OPRM1: variants seen among roughly 807,000 people sequenced by gnomAD.
OPRM1 encodes opioid receptor mu 1.
Under a neutral mutation model 31.8 loss-of-function variants are expected in OPRM1, and 27 were observed. The ratio of observed to expected loss-of-function variants is 0.85; its 90% CI spans 0.63 to 1.17. OPRM1 has a LOEUF of 1.17. Ranked by LOEUF, OPRM1 falls within the 50% of genes most tolerant of loss-of-function variation. The pLI is 0.00. For synonymous variants in OPRM1, 196 were observed against 189.9 expected (o/e 1.03, Z -0.26); for missense variants, 536 against 511.1 (o/e 1.05, Z -0.47).
chr6:154,058,968 C>T (rs997131536), intron 1 of OPRM1, among the ~76,000 whole-genome samples: 1 of 152,210 alleles, frequency 6.6e-6, no homozygotes, highest in Non-Finnish European at 1.5e-5. Context: ...TTGAGAGCTA[C>T]ATTACCCTGA....
chr6:154,107,175 AAG>A (rs2128511132), intron 3 of OPRM1, among the ~76,000 whole-genome samples: 2 of 152,336 alleles, frequency 1.3e-5, no homozygotes, highest in East Asian at 3.9e-4. Flanking sequence ...GAGTCCTTGG[AAG>A]AATGGGGACA....
chr6:154,028,194 T>C (rs1370850983), intron 1 of OPRM1, among the ~76,000 whole-genome samples: 1 of 152,088 alleles, frequency 6.6e-6, no homozygotes, highest in Non-Finnish European at 1.5e-5. Context: ...CATTAGCAAG[T>C]GGTAAATTTT....
At chr6:154,021,117 C>T (rs1487135809) in intron 1 of OPRM1, among the ~76,000 whole-genome samples, 2 of 152,066 alleles carry the variant, frequency 1.3e-5, no homozygotes, top group Non-Finnish European at 1.5e-5. Context: ...GTCTGTAATC[C>T]ATTTTGAGCT....
At position 154,059,741 on chromosome 6, in the gene OPRM1, C is replaced by T. The variant is rs184133067; in HGVS notation, c.290+19907C>T. Among the ~76,000 whole-genome samples, 13 of 152,284 alleles carry T rather than the reference C, an allele frequency of 8.5e-5. No homozygotes were observed. The East Asian group carries it at 2.5e-3, about 29-fold the overall frequency. On this transcript the variant is annotated intron_variant, in intron 1 of 3. Coordinates refer to ENST00000330432, the MANE Select transcript of OPRM1 (RefSeq NM_000914.5). ...GACATACAGTAGCTGAAATGTTCCA[C>T]TACACTGAATTTATTACAATGTTAT...
At chr6:154,017,050 G>A (rs1187044792) in intron 1 of OPRM1, among the ~76,000 whole-genome samples, 2 of 152,092 alleles carry the variant, frequency 1.3e-5, no homozygotes, top group African/African-American at 4.8e-5. Flanking sequence ...GAGCTATCAA[G>A]CTGATTTTGA....
intron 3 of OPRM1, chr6:154,246,463 C>A (rs1583898364): frequency 8.9e-7 from 1 of 1,124,472 alleles, no homozygotes; most frequent in Non-Finnish European, 1.3e-6. Flanking sequence ...GCTTCTATAA[C>A]TTATTTGTTT....
intron 3 of OPRM1, among the ~76,000 whole-genome samples, chr6:154,200,303 A>G (rs1036001016): frequency 1.3e-5 from 2 of 152,202 alleles, no homozygotes; most frequent in African/African-American, 4.8e-5. Context: ...CTATTCTTCA[A>G]TGCTCTCCAG....
chr6:154,161,299 C>A (rs940731661), intron 3 of OPRM1, among the ~76,000 whole-genome samples: 2 of 151,730 alleles, frequency 1.3e-5, no homozygotes, highest in Non-Finnish European at 1.5e-5. Context: ...CAAGCTCTGC[C>A]TCCCAGGTTC....
intron 3 of OPRM1, among the ~76,000 whole-genome samples, chr6:154,160,435 A>G (rs1798916881): frequency 6.6e-6 from 1 of 152,188 alleles, no homozygotes; most frequent in Non-Finnish European, 1.5e-5. Context: ...TTGGAACGTA[A>G]CACTTTACCT....
chr6:154,203,221 C>A (rs2128595103), intron 3 of OPRM1, among the ~76,000 whole-genome samples: 1 of 152,312 alleles, frequency 6.6e-6, no homozygotes, highest in South Asian at 2.1e-4. Flanking sequence ...CTCCTCTCCG[C>A]CCCACCTCTA....
At chr6:154,102,826 T>C (rs1795031486) in intron 3 of OPRM1, among the ~76,000 whole-genome samples, 2 of 151,576 alleles carry the variant, frequency 1.3e-5, no homozygotes, top group South Asian at 2.1e-4. Context: ...CTTGAGAAAA[T>C]TGGAACCAAA....
chr6:154,218,086 C>A (rs1014192790), intron 3 of OPRM1, among the ~76,000 whole-genome samples: 4 of 152,094 alleles, frequency 2.6e-5, no homozygotes, highest in Admixed American at 6.6e-5. Context: ...TTGCTAAGAA[C>A]TTTTTTTAAA....
intron 3 of OPRM1, among the ~76,000 whole-genome samples, chr6:154,219,445 G>A (rs12199594): frequency 0.046 from 6,963 of 152,180 alleles, 225 homozygotes; most frequent in Non-Finnish European, 0.072. Context: ...ATTGGGCAGG[G>A]GAGAGGCGGG....
chr6:154,050,318 A>C (rs1266924328), intron 1 of OPRM1, among the ~76,000 whole-genome samples: 1 of 152,216 alleles, frequency 6.6e-6, no homozygotes, highest in Admixed American at 6.5e-5. Context: ...AGCACTGTCT[A>C]CAACAGCTAA....
intron 3 of OPRM1, among the ~76,000 whole-genome samples, chr6:154,162,849 C>T (rs1475482427): frequency 2.0e-5 from 3 of 152,168 alleles, no homozygotes; most frequent in Non-Finnish European, 4.4e-5. Flanking sequence ...CACATCAACC[C>T]CTAAGAGGCA....
At chr6:154,037,449 T>G (rs1252924931), upstream of OPRM1, among the ~76,000 whole-genome samples, 1 of 152,192 alleles carries the variant, frequency 6.6e-6, no homozygotes, top group East Asian at 1.9e-4. Context: ...GTTTGTTTTT[T>G]GGTCAGGGCA....
chr6:154,243,119 G>A (rs750372356), intron 3 of OPRM1, among the ~76,000 whole-genome samples: 2 of 152,144 alleles, frequency 1.3e-5, no homozygotes, highest in Admixed American at 6.5e-5. Flanking sequence ...GCCAGCCCAC[G>A]TGCTAACAGG....
In OPRM1 at chr6:154,091,294, C is replaced by T; in HGVS notation, c.986C>T (p.Thr329Ile). Residue 329 changes from threonine to isoleucine, a missense_variant, in exon 3 of 4, where the codon ACA becomes ATA. By Grantham distance (89) the Thr-to-Ile change is moderately conservative. Transcript: ENST00000330432. ...SWHFCIALGY[T>I]NSCLNPVLYA... ...CACTTCTGCATTGCTCTAGGTTACA[C>T]AAACAGCTGCCTCAACCCAGTCCTT... 3.7e-6 allele frequency: 6 copies of T among 1,614,204 alleles called. No individual in the cohort carries two copies. The highest frequency in any genetic ancestry group is 1.7e-5 in the Admixed American group (1 of 60,012).
At chr6:154,056,417 C>T (rs774082060) in intron 1 of OPRM1, among the ~76,000 whole-genome samples, 3 of 151,720 alleles carry the variant, frequency 2.0e-5, no homozygotes, top group Non-Finnish European at 2.9e-5. Flanking sequence ...CCAACGCGCC[C>T]GGCCTGATGG....
Sources: allele counts gnomAD v4.1 joint callset (sites outside exome capture counted in the v4.1 genomes callset), GRCh38; gene constraint gnomAD v4.1.1; transcripts MANE v1.5; gene names NCBI Gene and HGNC (gene_info 2026-07-23, HGNC 2026-07-21).